ZNF789: variants seen among roughly 807,000 people sequenced by gnomAD.
ZNF789 encodes zinc finger protein 789.
A neutral mutation model predicts 15.6 loss-of-function variants in ZNF789; 11 were observed. The observed-to-expected ratio is 0.70, with a 90% confidence interval of 0.44 to 1.16. The LOEUF (loss-of-function observed/expected upper bound fraction) is 1.16. Ranked by LOEUF, ZNF789 falls within the 50% of genes most tolerant of loss-of-function variation. ZNF789 has a pLI of 0.00. For missense variants in ZNF789, 461 were observed against 512.6 expected (o/e 0.90, Z 0.97); for synonymous variants, 159 against 176.0 (o/e 0.90, Z 0.76).
intron 1 of ZNF789, among the ~76,000 whole-genome samples, chr7:99,474,903 T>C (rs977221195): frequency 1.3e-5 from 2 of 151,480 alleles, no homozygotes; most frequent in African/African-American, 4.9e-5. Flanking sequence ...GAGCATTGCT[T>C]AAGCCCAGGA....
rs759231581 is a variant in ZNF789, at chr7:99,484,021, C to T, written c.152-9C>T. ...AACGGCCACATCCCATTTACTTCCC[C>T]ATGAGTAGGATTTCAGTTTCCCAAA... On this transcript the variant is annotated splice_polypyrimidine_tract_variant and intron_variant, in intron 3 of 4. Coordinates refer to ENST00000331410, the MANE Select transcript of ZNF789 (RefSeq NM_213603.3). The T allele has an allele frequency of 6.2e-7, 1 of 1,613,140 alleles. No individual in the cohort carries two copies. Among genetic ancestry groups the T allele is most frequent in the Admixed American group, 1.7e-5 (1 of 60,000 alleles).
At chr7:99,477,683 T>G (rs1009264506) in intron 2 of ZNF789, among the ~76,000 whole-genome samples, 7 of 150,790 alleles carry the variant, frequency 4.6e-5, no homozygotes, top group African/African-American at 1.7e-4. Flanking sequence ...CAGTGGCTCA[T>G]GCCTGGAATC....
At position 99,486,587 on chromosome 7, in the gene ZNF789, C is replaced by T; in HGVS notation, c.377C>T (p.Ser126Leu). 1 of 1,614,176 alleles carries T rather than the reference C, an allele frequency of 6.2e-7. No individual in the cohort carries two copies. ...ATGCAGGAATCAGCTGAGAAACTTT[C>T]AGAAAAGTTACATAAGTGTAAAGAA... Reference protein sequence around the residue: ...VVMQESAEKLSEKLHKCKEFV... With the variant: ...VVMQESAEKLLEKLHKCKEFV... The change falls in exon 5 of 5, where the codon TCA (serine) becomes TTA (leucine). Residue 126 changes from serine to leucine, a missense_variant. Transcript: ENST00000331410.
chr7:99,476,248 G>C (rs1799328261), intron 1 of ZNF789, 155 bp from the exon 2 acceptor site: 5 of 550,900 alleles, frequency 9.1e-6, no homozygotes, highest in Non-Finnish European at 1.6e-5. Flanking sequence ...ACTTATTGTA[G>C]CGGCTCATGC....
At chr7:99,476,154 G>A in intron 1 of ZNF789, 1 of 375,340 alleles carries the variant, frequency 2.7e-6, no homozygotes, top group Non-Finnish European at 4.8e-6. Flanking sequence ...TATATGAGGT[G>A]CAGAGTATGA....
chr7:99,473,374 A>C (rs1037303546), intron 1 of ZNF789, among the ~76,000 whole-genome samples: 13 of 152,190 alleles, frequency 8.5e-5, no homozygotes, highest in Non-Finnish European at 1.5e-5. Flanking sequence ...CCCTCCAGTT[A>C]AAGTTTTAAG....
At chr7:99,480,009 A>C (rs1799536390) in intron 3 of ZNF789, 2 of 549,666 alleles carry the variant, frequency 3.6e-6, no homozygotes, top group Non-Finnish European at 6.0e-6. Context: ...CTTGGTGTGC[A>C]TATCTGTATA....
intron 1 of ZNF789, among the ~76,000 whole-genome samples, chr7:99,475,037 G>C (rs1428693741): frequency 6.6e-6 from 1 of 152,044 alleles, no homozygotes; most frequent in African/African-American, 2.4e-5. Flanking sequence ...AAGGTGAACT[G>C]TGTTTGAGGG....
At chr7:99,483,354 G>C (rs1422160269) in intron 3 of ZNF789, among the ~76,000 whole-genome samples, 1 of 152,026 alleles carries the variant, frequency 6.6e-6, no homozygotes, top group African/African-American at 2.4e-5. Context: ...AGTTGGCTAA[G>C]TACAGTGGCT....
chr7:99,483,689 A>T (rs534112705), intron 3 of ZNF789: 1 of 780,974 alleles, frequency 1.3e-6, no homozygotes, highest in African/African-American at 1.7e-5. Flanking sequence ...TTATGCCTTC[A>T]TCGCATTAAT....
intron 1 of ZNF789, among the ~76,000 whole-genome samples, chr7:99,473,380 T>C (rs1214075929): frequency 1.3e-5 from 2 of 152,142 alleles, no homozygotes; most frequent in Non-Finnish European, 2.9e-5. Flanking sequence ...AGTTAAAGTT[T>C]TAAGAGTTTA....
chr7:99,477,718 G>T (rs374387020), intron 2 of ZNF789, among the ~76,000 whole-genome samples: 7 of 152,294 alleles, frequency 4.6e-5, no homozygotes, highest in African/African-American at 1.7e-4. Context: ...GGCTGAGGGG[G>T]GTGGATTGCC....
chr7:99,486,364 G>C, intron 4 of ZNF789, 112 bp from the exon 5 acceptor site: 2 of 1,092,760 alleles, frequency 1.8e-6, no homozygotes, highest in South Asian at 3.4e-5. Context: ...ATGTAAACGA[G>C]ATCACTTCTT....
intron 4 of ZNF789, among the ~76,000 whole-genome samples, chr7:99,486,055 C>T (rs532322980): frequency 1.3e-5 from 2 of 152,110 alleles, no homozygotes; most frequent in Admixed American, 6.6e-5. Flanking sequence ...CGGTGGCTCA[C>T]GCCTGTAATC....
At chr7:99,478,288 A>G in intron 2 of ZNF789, 1 of 1,289,470 alleles carries the variant, frequency 7.8e-7, no homozygotes, top group Non-Finnish European at 1.0e-6. Flanking sequence ...GGGAATGCAG[A>G]TGGCTGAGTA....
At chr7:99,481,308 T>C (rs1799615408) in intron 3 of ZNF789, 1 of 152,266 alleles carries the variant, frequency 6.6e-6, no homozygotes, top group African/African-American at 2.4e-5. Flanking sequence ...GTATAAATCT[T>C]TGCATGAATT....
At chr7:99,485,639 C>T (rs1204201536) in intron 4 of ZNF789, among the ~76,000 whole-genome samples, 1 of 152,130 alleles carries the variant, frequency 6.6e-6, no homozygotes, top group Non-Finnish European at 1.5e-5. Flanking sequence ...TGAGACCAGC[C>T]TGGCCAACAT....
intron 2 of ZNF789, among the ~76,000 whole-genome samples, chr7:99,476,857 C>A: frequency 6.6e-6 from 1 of 152,216 alleles, no homozygotes; most frequent in Non-Finnish European, 1.5e-5. Flanking sequence ...CTGCTGTACA[C>A]TCCAGGTGCT....
chr7:99,485,108 C>A, intron 4 of ZNF789: 1 of 1,417,188 alleles, frequency 7.1e-7, no homozygotes, highest in Non-Finnish European at 9.5e-7. Context: ...CTTGTCCTCT[C>A]TCGGTGCTGC....
Sources: gnomAD v4.1 joint callset for allele counts (sites outside exome capture counted in the v4.1 genomes callset) on GRCh38, gnomAD v4.1.1 for gene constraint, MANE v1.5 for transcripts, NCBI Gene and HGNC (gene_info 2026-07-23, HGNC 2026-07-21) for gene names.